SVIL: variants seen among roughly 807,000 people sequenced by gnomAD.
SVIL encodes supervillin, also known as archvillin.
SVIL carries 101 observed loss-of-function variants against 240.4 expected under a neutral mutation model. That is an observed-to-expected ratio of 0.42 (90% CI 0.36 to 0.50). The LOEUF is 0.50. Ranked by LOEUF, SVIL falls within the 20% of genes least tolerant of loss-of-function variation. The probability of loss-of-function intolerance (pLI) is 0.01; values close to 1 mark genes in which losing one functional copy is unlikely to be tolerated. For missense variants in SVIL, 2,512 were observed against 2,818.7 expected (o/e 0.89, Z 2.46); for synonymous variants, 999 against 1,100.0 (o/e 0.91, Z 1.82).
chr10:29,498,002 A>T (rs577825091), intron 18 of SVIL, among the ~76,000 whole-genome samples: 12 of 146,902 alleles, frequency 8.2e-5, no homozygotes, highest in Non-Finnish European at 1.8e-4. Flanking sequence ...AAATTGCTTG[A>T]ACCTGGGAGG....
At chr10:29,679,169 C>G (rs1341724904) in intron 2 of SVIL, among the ~76,000 whole-genome samples, 1 of 152,154 alleles carries the variant, frequency 6.6e-6, no homozygotes, top group Non-Finnish European at 1.5e-5. Context: ...TGTGCCACTG[C>G]AATCCAGCCT....
intron 1 of SVIL, among the ~76,000 whole-genome samples, chr10:29,691,446 C>A (rs1041044915): frequency 1.3e-5 from 2 of 152,110 alleles, no homozygotes; most frequent in Non-Finnish European, 2.9e-5. Context: ...CTCCTGACCT[C>A]GTGATCCACC....
At chr10:29,497,462 T>C (rs1459599070) in intron 18 of SVIL, among the ~76,000 whole-genome samples, 30 of 152,244 alleles carry the variant, frequency 2.0e-4, no homozygotes, top group African/African-American at 2.4e-5. Context: ...AACACTCTTA[T>C]GAAGCCTCAA....
chr10:29,522,632 G>A lies in SVIL; in HGVS notation c.3167C>T (p.Ala1056Val), dbSNP rs753662749. ...CTCGGAAGTGGGCTCCCCGAACTCT[G>A]CCGCTGGGAAGGAAAAGAGCAACAT... ...VMKRKFSLRA[A>V]EFGEPTSEQT... is the part of the protein sequence containing the mutation. Residue 1056 changes from alanine to valine, a missense_variant, in exon 16 of 38, where the codon GCA becomes GTA. This residue lies in a region of SVIL where 1,443 missense variants were observed against 1,486.6 expected (regional missense o/e 0.97). Coordinates refer to ENST00000355867, the MANE Select transcript of SVIL (RefSeq NM_021738.3). 17 of 1,613,664 alleles carry A rather than the reference G, an allele frequency of 1.1e-5. No individual in the cohort carries two copies. The highest frequency in any genetic ancestry group is 1.4e-5 in the Non-Finnish European group (17 of 1,179,898).
chr10:29,552,326 A>T (rs1173425405), intron 5 of SVIL, among the ~76,000 whole-genome samples: 2 of 152,096 alleles, frequency 1.3e-5, no homozygotes, highest in African/African-American at 4.8e-5. Flanking sequence ...AGGCAGGCGG[A>T]TCACGAAGCA....
Position 29,634,646 on chromosome 10 carries a change from A to G in SVIL, c.-427T>C, listed in dbSNP as rs1231627532. On this transcript the variant is annotated 5_prime_UTR_variant, in exon 1 of 38. Coordinates refer to ENST00000355867, the MANE Select transcript of SVIL (RefSeq NM_021738.3). Reference sequence around the variant, plus strand: ...AAAGTTAGCCCAAATAGCGTTGTACAAAATCAAAGATCACGATGTCAGCAA... The same window carrying G: ...AAAGTTAGCCCAAATAGCGTTGTACGAAATCAAAGATCACGATGTCAGCAA... The G allele has an allele frequency of 1.3e-5, 2 of 152,226 alleles. No individual in the cohort carries two copies. Among genetic ancestry groups the G allele is most frequent in the African/African-American group, 2.4e-5 (1 of 41,462 alleles). 9.4% of individuals were successfully genotyped at this position (152,226 alleles called of 1,614,324 possible).
intron 3 of SVIL, among the ~76,000 whole-genome samples, chr10:29,651,340 C>T (rs1958829324): frequency 6.6e-6 from 1 of 152,212 alleles, no homozygotes; most frequent in African/African-American, 2.4e-5. Flanking sequence ...GCCAAATTGT[C>T]TCCACTGTAG....
At chr10:29,719,330 TGTCTAATTAGCACTGCTCC>T (rs1194992870) in intron 1 of SVIL, among the ~76,000 whole-genome samples, 6 of 152,216 alleles carry the variant, frequency 3.9e-5, no homozygotes, top group Non-Finnish European at 8.8e-5. Flanking sequence ...TAATTATCCC[TGTCTAATTAGCACTGCTCC>T]TACCTAATAA....
intron 1 of SVIL, among the ~76,000 whole-genome samples, chr10:29,709,028 A>G (rs1181072947): frequency 1.3e-5 from 2 of 152,216 alleles, no homozygotes; most frequent in Non-Finnish European, 1.5e-5. Context: ...ATTGAAGAAA[A>G]GATTAAAAAG....
chr10:29,594,550 ATTT>A (rs1041779043), intron 1 of SVIL, among the ~76,000 whole-genome samples: 5 of 133,996 alleles, frequency 3.7e-5, no homozygotes, highest in African/African-American at 1.1e-4. Flanking sequence ...TACCTTCTTA[ATTT>A]TTTTTCTTTT....
intron 5 of SVIL, among the ~76,000 whole-genome samples, chr10:29,552,360 C>T (rs1344743560): frequency 5.3e-5 from 8 of 151,788 alleles, no homozygotes; most frequent in African/African-American, 9.7e-5. Flanking sequence ...GTCAGGAGTT[C>T]GAGACCAGCC....
intron 29 of SVIL, among the ~76,000 whole-genome samples, chr10:29,477,744 C>G (rs761975913): frequency 4.6e-5 from 7 of 152,202 alleles, no homozygotes; most frequent in African/African-American, 9.7e-5. Context: ...ACTTAATTCT[C>G]TAAAGCTGGG....
chr10:29,577,245 T>A (rs11007658), intron 1 of SVIL, among the ~76,000 whole-genome samples: 1 of 151,928 alleles, frequency 6.6e-6, no homozygotes, highest in Admixed American at 6.6e-5. Context: ...CAGATAAGTT[T>A]TTCAGTGGTG....
At chr10:29,573,062 T>C (rs1955521181) in intron 1 of SVIL, among the ~76,000 whole-genome samples, 1 of 152,166 alleles carries the variant, frequency 6.6e-6, no homozygotes, top group Non-Finnish European at 1.5e-5. Context: ...TCCTTTTTTT[T>C]CAACATTTAT....
chr10:29,530,806 C>T (rs959356767), intron 10 of SVIL, 138 bp from the exon 11 acceptor site: 2 of 939,642 alleles, frequency 2.1e-6, no homozygotes, highest in African/African-American at 3.3e-5. Context: ...TGGTAGTTTC[C>T]CCTTGCAGGG....
chr10:29,601,864 C>T (rs1463145001), intron 1 of SVIL, among the ~76,000 whole-genome samples: 1 of 152,196 alleles, frequency 6.6e-6, no homozygotes, highest in East Asian at 1.9e-4. Flanking sequence ...TTACCTCTTT[C>T]CTCTCCCTCT....
chr10:29,688,460 C>T (rs1961257733), intron 1 of SVIL, among the ~76,000 whole-genome samples: 1 of 152,250 alleles, frequency 6.6e-6, no homozygotes, highest in African/African-American at 2.4e-5. Context: ...TGTTATTTAA[C>T]ACCAGGCTCC....
At chr10:29,703,809 T>C (rs1250685969) in intron 1 of SVIL, among the ~76,000 whole-genome samples, 1 of 152,182 alleles carries the variant, frequency 6.6e-6, no homozygotes, top group African/African-American at 2.4e-5. Context: ...TCTTGTTTTT[T>C]TGGGGGAAGG....
rs61733423 is a variant in SVIL, at chr10:29,481,635, C to A, written c.5049G>T (p.Thr1683=). Residue 1683 remains threonine, a synonymous_variant, in exon 28 of 38, where the codon ACG becomes ACT. Transcript: ENST00000355867. ...TCTTCTCATTCGATCTCTTCAGTTC[C>A]GTCCAATCCAGAAACTTCTCTTTGA... ...ILFKEKFLDW[T]ELKRSNEKNP... is the part of the protein sequence containing the mutation. The A allele has an allele frequency of 6.2e-7, 1 of 1,613,950 alleles. No homozygotes were observed. The highest frequency in any genetic ancestry group is 1.1e-5 in the South Asian group (1 of 91,076).
Sources: allele counts gnomAD v4.1 joint callset (sites outside exome capture counted in the v4.1 genomes callset), GRCh38; gene constraint gnomAD v4.1.1; regional missense constraint gnomAD v4.1.1; transcripts MANE v1.5; gene names NCBI Gene and HGNC (gene_info 2026-07-23, HGNC 2026-07-21).